SDK1: variants seen among roughly 807,000 people sequenced by gnomAD.
SDK1 encodes sidekick cell adhesion molecule 1.
A neutral mutation model predicts 245.5 loss-of-function variants in SDK1; 157 were observed. The ratio of observed to expected loss-of-function variants is 0.64; its 90% confidence interval spans 0.56 to 0.73. The LOEUF (loss-of-function observed/expected upper bound fraction) is 0.73, where lower values mean the gene tolerates loss of function less well. SDK1 is among the 30% of genes least tolerant of loss of function. SDK1 has a pLI of 0.00. For synonymous variants in SDK1, 1,647 were observed against 1,278.5 expected (o/e 1.29, Z -6.15); for missense variants, 3,583 against 3,002.3 (o/e 1.19, Z -4.52).
At chr7:3,755,225 C>T (rs1301848801) in intron 4 of SDK1, among the ~76,000 whole-genome samples, 1 of 151,970 alleles carries the variant, frequency 6.6e-6, no homozygotes, top group South Asian at 2.1e-4. Context: ...AGAAAGGGGG[C>T]GTGTTGTGTG....
At chr7:4,231,567 C>T (rs1226794147) in intron 40 of SDK1, among the ~76,000 whole-genome samples, 1 of 128,794 alleles carries the variant, frequency 7.8e-6, no homozygotes, top group African/African-American at 2.9e-5. Context: ...GAGGAGGGCC[C>T]GGTCTCAAAA....
At chr7:3,457,709 C>T (rs1780714073) in intron 1 of SDK1, among the ~76,000 whole-genome samples, 1 of 152,164 alleles carries the variant, frequency 6.6e-6, no homozygotes, top group Non-Finnish European at 1.5e-5. Context: ...CTAAGAGCTA[C>T]ACATCAGTAT....
At chr7:3,961,530 A>G (rs1781678989) in intron 8 of SDK1, among the ~76,000 whole-genome samples, 1 of 152,220 alleles carries the variant, frequency 6.6e-6, no homozygotes. Context: ...GAGGTACAGA[A>G]CCATCTGAGA....
chr7:3,628,360 A>G (rs1418449982), intron 2 of SDK1, among the ~76,000 whole-genome samples: 4 of 152,148 alleles, frequency 2.6e-5, no homozygotes, highest in Non-Finnish European at 5.9e-5. Context: ...TATATTTTGT[A>G]GAGATGGGAT....
intron 1 of SDK1, among the ~76,000 whole-genome samples, chr7:3,450,533 T>C (rs1360999741): frequency 6.6e-6 from 1 of 152,174 alleles, no homozygotes. Context: ...CGTAGATTTC[T>C]AGTTTGGAAC....
chr7:3,942,954 C>G (rs1780422508), intron 5 of SDK1, among the ~76,000 whole-genome samples: 1 of 152,110 alleles, frequency 6.6e-6, no homozygotes, highest in Admixed American at 6.6e-5. Context: ...CAGCTTTGAC[C>G]TCATTGTTTT....
At chr7:3,993,592 A>C (rs1023272802) in intron 14 of SDK1, among the ~76,000 whole-genome samples, 5 of 152,214 alleles carry the variant, frequency 3.3e-5, no homozygotes, top group African/African-American at 1.2e-4. Flanking sequence ...GATTAATAAA[A>C]ATTTAGAAAT....
chr7:3,871,414 G>C (rs1374452395), intron 5 of SDK1, among the ~76,000 whole-genome samples: 3 of 148,232 alleles, frequency 2.0e-5, no homozygotes, highest in Non-Finnish European at 4.5e-5. Flanking sequence ...TGTTGCACTG[G>C]TTAGGACTGA....
chr7:3,847,066 T>G (rs1474169989), intron 5 of SDK1, among the ~76,000 whole-genome samples: 1 of 152,134 alleles, frequency 6.6e-6, no homozygotes, highest in African/African-American at 2.4e-5. Flanking sequence ...TCTTTTTTTT[T>G]TTGCTTTCCC....
At chr7:4,216,954 T>C (rs1215789064) in intron 38 of SDK1, among the ~76,000 whole-genome samples, 3 of 151,960 alleles carry the variant, frequency 2.0e-5, no homozygotes, top group Non-Finnish European at 1.5e-5. Context: ...GGACATCACA[T>C]TGTCCAGAGC....
At chr7:3,870,549 A>G (rs775445386) in intron 5 of SDK1, among the ~76,000 whole-genome samples, 14 of 151,248 alleles carry the variant, frequency 9.3e-5, no homozygotes, top group Non-Finnish European at 1.5e-5. Context: ...AGCAGGTACC[A>G]TTTACCTTTT....
chr7:4,016,577 T>G (rs1348140079), intron 16 of SDK1, among the ~76,000 whole-genome samples: 1 of 152,274 alleles, frequency 6.6e-6, no homozygotes, highest in East Asian at 1.9e-4. Flanking sequence ...CCACCTTTAG[T>G]ATGCTAAGAA....
In SDK1 at chr7:3,466,662, T is replaced by C. The variant is rs145721850; in HGVS notation, c.299-152418T>C. ...ATTGCTTGTCATTCTTGCTTATCAC[T>C]TAAAATAATAACTGGCTCCCTTCTT... is the stretch of plus-strand genomic sequence containing the variant. On this transcript the variant is annotated intron_variant, in intron 1 of 44. Transcript: ENST00000404826. Among the ~76,000 whole-genome samples the C allele has an allele frequency of 4.2e-4, 63 of 151,796 alleles. 1 individual carries two copies. The East Asian group carries it at 0.012, about 30-fold the overall frequency.
intron 1 of SDK1, among the ~76,000 whole-genome samples, chr7:3,348,504 C>T (rs1055729574): frequency 3.3e-5 from 5 of 151,944 alleles, no homozygotes; most frequent in African/African-American, 9.7e-5. Flanking sequence ...ACATCGAGTG[C>T]ATATGGACAT....
chr7:4,073,980 T>G (rs1780449114), intron 20 of SDK1, among the ~76,000 whole-genome samples: 1 of 151,338 alleles, frequency 6.6e-6, no homozygotes, highest in African/African-American at 2.4e-5. Context: ...GCGGGGGAGG[T>G]CACAGTCTTC....
chr7:4,062,984 C>T (rs967678513), intron 19 of SDK1, among the ~76,000 whole-genome samples: 4 of 152,106 alleles, frequency 2.6e-5, no homozygotes, highest in Non-Finnish European at 5.9e-5. Context: ...ATATGAAAAA[C>T]CCACAGCTAA....
chr7:3,713,505 C>G (rs901565737), intron 4 of SDK1, among the ~76,000 whole-genome samples: 8 of 152,166 alleles, frequency 5.3e-5, no homozygotes, highest in Non-Finnish European at 1.0e-4. Flanking sequence ...TTAGATATGT[C>G]TCTCCCCCAC....
At chr7:3,450,213 A>G (rs1292634487) in intron 1 of SDK1, among the ~76,000 whole-genome samples, 1 of 152,214 alleles carries the variant, frequency 6.6e-6, no homozygotes, top group Non-Finnish European at 1.5e-5. Flanking sequence ...GTGAGAGATG[A>G]TGTATAGAGT....
At chr7:3,718,832 A>C (rs1785279625) in intron 4 of SDK1, among the ~76,000 whole-genome samples, 1 of 152,194 alleles carries the variant, frequency 6.6e-6, no homozygotes, top group Admixed American at 6.5e-5. Context: ...GAGGAATAAA[A>C]GTGTTCTTAT....
Sources: allele counts gnomAD v4.1 joint callset (sites outside exome capture counted in the v4.1 genomes callset), GRCh38; gene constraint gnomAD v4.1.1; transcripts MANE v1.5; gene names NCBI Gene and HGNC (gene_info 2026-07-23, HGNC 2026-07-21).